The following WDR72 variants were observed in gnomAD, a reference collection of about 807,000 sequenced individuals.
WDR72 encodes WD repeat-containing protein 72.
Under a neutral mutation model 124.2 loss-of-function variants are expected in WDR72, and 120 were observed. That is an observed-to-expected ratio of 0.97 (90% CI 0.83 to 1.12). The LOEUF is 1.12. Among genes scored for constraint, WDR72 ranks in the 50% most tolerant of loss-of-function variants. The pLI is 0.00. For missense variants in WDR72, 1,387 were observed against 1,278.8 expected, an observed-to-expected ratio of 1.08 and a Z score of -1.29; for synonymous variants, 452 against 441.7, an observed-to-expected ratio of 1.02 and a Z score of -0.29.
chr15:53,556,207 C>T (rs1215075680), intron 18 of WDR72, among the ~76,000 whole-genome samples: 1 of 151,842 alleles, frequency 6.6e-6, no homozygotes, highest in Non-Finnish European at 1.5e-5. Context: ...AAATATTTTA[C>T]CAACAGTTAA....
At chr15:53,617,918 A>T (rs1404911952) in intron 14 of WDR72, among the ~76,000 whole-genome samples, 1 of 151,918 alleles carries the variant, frequency 6.6e-6, no homozygotes, top group African/African-American at 2.4e-5. Context: ...GAGGACTGGG[A>T]GGTATAGTTT....
chr15:53,554,205 C>G (rs2140284048), intron 18 of WDR72, among the ~76,000 whole-genome samples: 1 of 152,218 alleles, frequency 6.6e-6, no homozygotes, highest in East Asian at 1.9e-4. Flanking sequence ...TCATGTTAAA[C>G]TCTTGCCAAT....
At position 53,652,932 on chromosome 15, in the gene WDR72, T is replaced by C. The variant is rs900452584; in HGVS notation, c.1962+12640A>G. On this transcript the variant is annotated intron_variant, in intron 14 of 19. Coordinates refer to ENST00000360509, the MANE Select transcript of WDR72 (RefSeq NM_182758.4). Reference sequence around the variant, plus strand: ...TTAATACACTTTTTCTTATAAACTTTTGTAATTGAGACTGGTGTCTAAATA... The same window carrying C: ...TTAATACACTTTTTCTTATAAACTTCTGTAATTGAGACTGGTGTCTAAATA... 5.3e-5 allele frequency among the ~76,000 whole-genome samples: 8 copies of C among 152,288 alleles called. No individual in the cohort carries two copies. In the South Asian group the frequency reaches 1.5e-3, roughly 28 times the overall value.
chr15:53,667,916 T>G (rs1411700882), intron 13 of WDR72, among the ~76,000 whole-genome samples: 1 of 152,212 alleles, frequency 6.6e-6, no homozygotes, highest in Non-Finnish European at 1.5e-5. Flanking sequence ...TCTACAAACT[T>G]AGGTAGTTGT....
chr15:53,698,666 C>A (rs1315924878), intron 13 of WDR72, among the ~76,000 whole-genome samples: 1 of 152,168 alleles, frequency 6.6e-6, no homozygotes, highest in Non-Finnish European at 1.5e-5. Flanking sequence ...AACTGTTGCT[C>A]AAATCAAGAA....
chr15:53,559,046 A>G (rs1894031926), intron 18 of WDR72, among the ~76,000 whole-genome samples: 1 of 152,048 alleles, frequency 6.6e-6, no homozygotes. Context: ...TTATCAATGT[A>G]TGATTCAAAC....
At chr15:53,746,796 A>G (rs1567061867) in intron 1 of WDR72, among the ~76,000 whole-genome samples, 1 of 152,192 alleles carries the variant, frequency 6.6e-6, no homozygotes, top group East Asian at 1.9e-4. Context: ...AAAACTGTAC[A>G]CTCAATTTGG....
At chr15:53,575,882 G>A (rs956456015) in intron 18 of WDR72, among the ~76,000 whole-genome samples, 2 of 152,074 alleles carry the variant, frequency 1.3e-5, no homozygotes, top group Non-Finnish European at 2.9e-5. Flanking sequence ...CTATCTACCA[G>A]GGTAGAACTG....
chr15:53,642,909 A>G (rs559603026), intron 14 of WDR72, among the ~76,000 whole-genome samples: 8 of 151,978 alleles, frequency 5.3e-5, no homozygotes, highest in South Asian at 2.1e-4. Context: ...TTGGGATCCA[A>G]CTTATTCTGG....
At chr15:53,595,113 A>G (rs988771600) in intron 18 of WDR72, among the ~76,000 whole-genome samples, 3 of 152,096 alleles carry the variant, frequency 2.0e-5, no homozygotes, top group African/African-American at 7.2e-5. Context: ...TCTTCCACCA[A>G]CATATAAAGT....
Position 53,699,872 on chromosome 15 carries a change from C to T in WDR72, c.1643G>A (p.Ser548Asn). Residue 548 changes from serine to asparagine, a missense_variant, in exon 13 of 20, where the codon AGT becomes AAT. By Grantham distance (46) the Ser-to-Asn change is conservative. Transcript: ENST00000360509. The part of the protein sequence containing the change: ...SVALLHLEGK[S>N]CLLHARKHLF... ...GTGCTTCCGGGCATGCAGGAGGCAA[C>T]TCTTTCCCTCAAGGTGAAGGAGAGC... 1 of 1,614,172 alleles carries T rather than the reference C, an allele frequency of 6.2e-7. No homozygotes were observed. Among genetic ancestry groups the T allele is most frequent in the African/African-American group, 1.3e-5 (1 of 75,048 alleles).
chr15:53,555,450 A>G (rs1306043970), intron 18 of WDR72, among the ~76,000 whole-genome samples: 3 of 152,124 alleles, frequency 2.0e-5, no homozygotes. Context: ...GAGAGAGAAC[A>G]TGTGCAAGTA....
At position 53,705,138 on chromosome 15, in the gene WDR72, C is replaced by T; in HGVS notation, c.1198G>A (p.Asp400Asn). Residue 400 changes from aspartate to asparagine, a missense_variant, in exon 11 of 20, where the codon GAT becomes AAT. By Grantham distance (23) the Asp-to-Asn change is conservative (BLOSUM62 1). Coordinates refer to ENST00000360509, the MANE Select transcript of WDR72 (RefSeq NM_182758.4). Reference protein sequence around the residue: ...SIIDYFSGLKDGAGTAVVTSS... With the variant: ...SIIDYFSGLKNGAGTAVVTSS... Reference sequence around the variant, plus strand: ...GTGACTACAGCAGTTCCTGCCCCATCTTTAAGCCCAGAGAAATAGTCAATA... The same window carrying T: ...GTGACTACAGCAGTTCCTGCCCCATTTTTAAGCCCAGAGAAATAGTCAATA... 1.2e-6 allele frequency: 2 copies of T among 1,614,100 alleles called. No homozygotes were observed. The highest frequency in any genetic ancestry group is 1.7e-6 in the Non-Finnish European group (2 of 1,180,016).
chr15:53,554,911 A>G (rs1893869950), intron 18 of WDR72, among the ~76,000 whole-genome samples: 2 of 152,156 alleles, frequency 1.3e-5, no homozygotes, highest in African/African-American at 4.8e-5. Flanking sequence ...GTCAATTTTT[A>G]TGGTACAAAT....
At chr15:53,546,451 G>A (rs1893463854) in intron 18 of WDR72, among the ~76,000 whole-genome samples, 1 of 150,838 alleles carries the variant, frequency 6.6e-6, no homozygotes, top group Non-Finnish European at 1.5e-5. Flanking sequence ...ACTCATAGGT[G>A]GGAATTGAAC....
At chr15:53,735,842 T>C (rs139255304) in intron 1 of WDR72, among the ~76,000 whole-genome samples, 24 of 151,646 alleles carry the variant, frequency 1.6e-4, no homozygotes, top group African/African-American at 5.3e-4. Flanking sequence ...AATCAATAAA[T>C]AGACAAAAGA....
intron 18 of WDR72, among the ~76,000 whole-genome samples, chr15:53,585,625 C>T (rs2012164669): frequency 6.6e-6 from 1 of 151,994 alleles, no homozygotes; most frequent in South Asian, 2.1e-4. Context: ...TATCAAAGCT[C>T]CAAAGGGTAC....
intron 13 of WDR72, among the ~76,000 whole-genome samples, chr15:53,689,007 G>T: frequency 6.6e-6 from 1 of 152,220 alleles, no homozygotes; most frequent in Non-Finnish European, 1.5e-5. Flanking sequence ...AAATTGGCTA[G>T]CCATATGTAG....
At chr15:53,691,167 G>A (rs1335636056) in intron 13 of WDR72, among the ~76,000 whole-genome samples, 3 of 151,848 alleles carry the variant, frequency 2.0e-5, no homozygotes, top group Admixed American at 6.6e-5. Flanking sequence ...CTCCCATCTC[G>A]GCCTCCAGAA....
Sources: gnomAD v4.1 joint callset for allele counts (sites outside exome capture counted in the v4.1 genomes callset) on GRCh38, gnomAD v4.1.1 for gene constraint, MANE v1.5 for transcripts, NCBI Gene and HGNC (gene_info 2026-07-23, HGNC 2026-07-21) for gene names.